The following FOCAD variants were observed in gnomAD, a reference collection of about 807,000 sequenced individuals.
FOCAD encodes KIAA1797.
Under a neutral mutation model 225.6 loss-of-function variants are expected in FOCAD, and 198 were observed. The ratio of observed to expected loss-of-function variants is 0.88; its 90% CI spans 0.78 to 0.99. The LOEUF (loss-of-function observed/expected upper bound fraction) is 0.99, where lower values mean the gene tolerates loss of function less well. FOCAD is among the 50% of genes least tolerant of loss of function. The probability of loss-of-function intolerance (pLI) is 0.00; values close to 1 mark genes in which losing one functional copy is unlikely to be tolerated. For synonymous variants in FOCAD, 897 were observed against 755.0 expected (o/e 1.19, Z -3.08); for missense variants, 2,713 against 2,123.6 (o/e 1.28, Z -5.46).
chr9:20,656,969 C>T (rs922062592), upstream of FOCAD, among the ~76,000 whole-genome samples: 12 of 151,652 alleles, frequency 7.9e-5, no homozygotes, highest in African/African-American at 2.7e-4. Flanking sequence ...TTAGGGCAGG[C>T]CTGGTGGTGA....
chr9:20,813,409 A>T lies in FOCAD; in HGVS notation c.1456-6387A>T, dbSNP rs74517000. Among the ~76,000 whole-genome samples the T allele has an allele frequency of 2.7e-3, 403 of 152,060 alleles. 2 individuals are homozygous for T. The highest frequency in any genetic ancestry group is 6.8e-3 in the Middle Eastern group (2 of 294). ...TCGATCATAGAGTAGATTAAAAAAA[A>T]TTTTTTTTGAGGAACCTTCATGCTG... On this transcript the variant is annotated intron_variant, in intron 11 of 43. Coordinates refer to ENST00000338382, the MANE Select transcript of FOCAD (RefSeq NM_001375567.1).
chr9:20,668,832 A>G (rs1821973025), intron 2 of FOCAD, among the ~76,000 whole-genome samples: 1 of 152,232 alleles, frequency 6.6e-6, no homozygotes, highest in South Asian at 2.1e-4. Context: ...GGACGGAAAC[A>G]AAATGCATAG....
chr9:20,720,554 T>C lies in FOCAD; in HGVS notation c.287+20T>C, dbSNP rs772140562. ...AACCAGGTACTTTTTCCTCAGTGTT[T>C]GGTCAGTTAATGATTTAAGTTTTTA... is the stretch of plus-strand genomic sequence containing the variant. On this transcript the variant is annotated intron_variant, in intron 4 of 43. Coordinates refer to ENST00000338382, the MANE Select transcript of FOCAD (RefSeq NM_001375567.1). 25 of 1,610,860 alleles carry C rather than the reference T, an allele frequency of 1.6e-5. No homozygotes were observed. The South Asian group carries it at 2.5e-4, about 16-fold the overall frequency.
chr9:20,963,083 C>T (rs1838910381), intron 35 of FOCAD, among the ~76,000 whole-genome samples: 1 of 152,138 alleles, frequency 6.6e-6, no homozygotes. Context: ...ACTATAGTTC[C>T]TCTCATTCCA....
chr9:20,858,911 T>C (rs79427078), intron 15 of FOCAD, among the ~76,000 whole-genome samples: 1,732 of 152,344 alleles, frequency 0.011, 31 homozygotes, highest in African/African-American at 0.039. Flanking sequence ...TTCCTGTTAC[T>C]GATTTCTAGT....
chr9:20,712,281 T>G (rs934726245), intron 1 of FOCAD, among the ~76,000 whole-genome samples: 1 of 152,188 alleles, frequency 6.6e-6, no homozygotes, highest in African/African-American at 2.4e-5. Context: ...TCTTTTCTTT[T>G]TAGTAAAAAA....
intron 11 of FOCAD, among the ~76,000 whole-genome samples, chr9:20,794,108 C>G (rs967456562): frequency 6.6e-6 from 1 of 152,066 alleles, no homozygotes; most frequent in Non-Finnish European, 1.5e-5. Flanking sequence ...CCAACTTGGC[C>G]TTGATTTATA....
intron 4 of FOCAD, among the ~76,000 whole-genome samples, chr9:20,727,488 A>C (rs1164939759): frequency 6.6e-6 from 1 of 152,230 alleles, no homozygotes; most frequent in African/African-American, 2.4e-5. Flanking sequence ...GAACTTTGTT[A>C]GGCAAAAGCT....
chr9:20,854,659 A>G (rs1000909564), intron 15 of FOCAD, among the ~76,000 whole-genome samples: 1 of 151,804 alleles, frequency 6.6e-6, no homozygotes, highest in Non-Finnish European at 1.5e-5. Flanking sequence ...TGGGAAAAGT[A>G]TCATTCTCCC....
chr9:20,963,952 A>G (rs1046345137), intron 35 of FOCAD, among the ~76,000 whole-genome samples: 2 of 152,122 alleles, frequency 1.3e-5, no homozygotes, highest in African/African-American at 4.8e-5. Flanking sequence ...CTTGTTCAAC[A>G]CTGTCTCCGC....
Position 20,981,464 on chromosome 9 carries a change from G to T in FOCAD, c.4416G>T (p.Leu1472=). 2.5e-6 allele frequency: 4 copies of T among 1,614,128 alleles called. No homozygotes were observed. The highest frequency in any genetic ancestry group is 3.4e-6 in the Non-Finnish European group (4 of 1,179,998). Residue 1472 remains leucine, a synonymous_variant, in exon 38 of 44, where the codon CTG becomes CTT. Coordinates refer to ENST00000338382, the MANE Select transcript of FOCAD (RefSeq NM_001375567.1). ...GATATCTCCTGATATCTGCACCTCT[G>T]TGGATAAAACACATCTCTGATGAAC... ...TKRYLLISAP[L]WIKHISDEQI... is the part of the protein sequence containing the mutation.
Position 20,885,211 on chromosome 9 carries a change from C to A in FOCAD, c.2606C>A (p.Ser869Ter). 6.5e-7 allele frequency: 1 copy of A among 1,529,230 alleles called. No individual in the cohort carries two copies. Among genetic ancestry groups the A allele is most frequent in the South Asian group, 1.4e-5 (1 of 73,870 alleles). 94.7% of individuals were successfully genotyped at this position (1,529,230 alleles called of 1,614,324 possible). The change falls in exon 21 of 44, where the codon TCA (serine) becomes TAA (stop). Residue 869 changes from serine (S) to a stop codon, truncating the protein, a stop_gained. Coordinates refer to ENST00000338382, the MANE Select transcript of FOCAD (RefSeq NM_001375567.1). LOFTEE classifies it high-confidence loss of function. ...ASRGRSFKQT[S>*]LALVHEVHIQ... ...AGAGGGCGAAGTTTCAAGCAGACTT[C>A]ACTTGCTCTTGTACATGAGGTAGGT... is the stretch of plus-strand genomic sequence containing the variant.
At chr9:20,675,730 A>G (rs1822212652) in intron 2 of FOCAD, among the ~76,000 whole-genome samples, 1 of 152,258 alleles carries the variant, frequency 6.6e-6, no homozygotes, top group Admixed American at 6.5e-5. Flanking sequence ...CCAAGAAAAT[A>G]AACTTGTTTC....
chr9:20,888,318 T>C (rs1307316784), intron 21 of FOCAD, among the ~76,000 whole-genome samples: 1 of 151,936 alleles, frequency 6.6e-6, no homozygotes, highest in East Asian at 1.9e-4. Flanking sequence ...TTTGTATTTT[T>C]AGTAGAGACG....
chr9:20,877,152 T>C (rs1461255637), intron 19 of FOCAD, among the ~76,000 whole-genome samples: 2 of 124,828 alleles, frequency 1.6e-5, no homozygotes, highest in Non-Finnish European at 3.4e-5. Flanking sequence ...GTGAATTTTA[T>C]AGGGTTTTCT....
At chr9:20,679,179 TGGAG>T (rs1822326116) in intron 2 of FOCAD, among the ~76,000 whole-genome samples, 1 of 107,552 alleles carries the variant, frequency 9.3e-6, no homozygotes, top group Admixed American at 9.6e-5. Context: ...GTGTTGGGGA[TGGAG>T]GTGTGTGGTG....
intron 11 of FOCAD, among the ~76,000 whole-genome samples, chr9:20,797,881 A>T (rs959763765): frequency 6.6e-6 from 1 of 152,096 alleles, no homozygotes; most frequent in Non-Finnish European, 1.5e-5. Context: ...TTCCAACACT[A>T]TGTCGAATGG....
chr9:20,890,617 T>G (rs1229585575), intron 21 of FOCAD, among the ~76,000 whole-genome samples: 1 of 152,122 alleles, frequency 6.6e-6, no homozygotes, highest in Non-Finnish European at 1.5e-5. Context: ...TCATGAGACA[T>G]GTTGTTCTGT....
chr9:20,705,796 A>G (rs1250192884), intron 1 of FOCAD, among the ~76,000 whole-genome samples: 1 of 151,870 alleles, frequency 6.6e-6, no homozygotes, highest in Admixed American at 6.6e-5. Context: ...AAGCCCTTAG[A>G]TTTTAAAAAA....
Sources: gnomAD v4.1 joint callset for allele counts (sites outside exome capture counted in the v4.1 genomes callset) on GRCh38, gnomAD v4.1.1 for gene constraint, MANE v1.5 for transcripts, NCBI Gene and HGNC (gene_info 2026-07-23, HGNC 2026-07-21) for gene names.